MLC1: variants seen among roughly 807,000 people sequenced by gnomAD.
The protein encoded by MLC1 is membrane protein MLC1.
In MLC1, 32 loss-of-function variants were observed where a neutral mutation model predicts 44.7. That is an observed-to-expected ratio of 0.72 (90% CI 0.54 to 0.96). MLC1 has a LOEUF of 0.96. Ranked by LOEUF, MLC1 falls within the 40% of genes least tolerant of loss-of-function variation. The pLI is 0.00. For missense variants in MLC1, 459 were observed against 492.2 expected, an observed-to-expected ratio of 0.93 and a Z score of 0.64; for synonymous variants, 190 against 213.0, an observed-to-expected ratio of 0.89 and a Z score of 0.94.
At chr22:50,073,492 G>A (rs938313484) in intron 8 of MLC1, among the ~76,000 whole-genome samples, 11 of 152,072 alleles carry the variant, frequency 7.2e-5, no homozygotes, top group Non-Finnish European at 1.3e-4. Context: ...GCACTTTTGG[G>A]GGCCGAGGCA....
Position 50,084,114 on chromosome 22 carries a change from A to G in MLC1, c.177+612T>C, listed in dbSNP as rs1000947161. Among the ~76,000 whole-genome samples the G allele has an allele frequency of 6.6e-5, 10 of 152,132 alleles. No individual in the cohort carries two copies. In the South Asian group the frequency reaches 1.9e-3, roughly 28 times the overall value. On this transcript the variant is annotated intron_variant, in intron 2 of 11. Transcript: ENST00000311597. ...GCTACACGGAACCGGGGGTCCCTGC[A>G]TAGAGGCCTGTCCTGCAGCATGGCT...
chr22:50,077,865 A>G (rs557023545), intron 5 of MLC1, among the ~76,000 whole-genome samples: 1 of 152,278 alleles, frequency 6.6e-6, no homozygotes, highest in African/African-American at 2.4e-5. Flanking sequence ...CACTGAGAAC[A>G]TAAGGTTTTT....
At chr22:50,062,975 G>A (rs553713412) in intron 11 of MLC1, among the ~76,000 whole-genome samples, 1 of 152,286 alleles carries the variant, frequency 6.6e-6, no homozygotes, top group East Asian at 1.9e-4. Flanking sequence ...CAGCTTTACG[G>A]AGCCCCATGT....
intron 9 of MLC1, among the ~76,000 whole-genome samples, chr22:50,068,917 G>A (rs1326602236): frequency 1.3e-5 from 2 of 151,660 alleles, no homozygotes; most frequent in Non-Finnish European, 1.5e-5. Flanking sequence ...AGTAGAGACC[G>A]TGTTTTGCCA....
chr22:50,079,523 T>TTTC (rs2062065351), intron 5 of MLC1, among the ~76,000 whole-genome samples: 1 of 130,488 alleles, frequency 7.7e-6, no homozygotes, highest in African/African-American at 2.7e-5. Context: ...TTTTTTTTTT[T>TTTC]GAGACGGAGT....
In MLC1 at chr22:50,064,213, A is replaced by C. The variant is rs1448962356; in HGVS notation, c.895-15T>G. The C allele has an allele frequency of 5.1e-6, 8 of 1,582,152 alleles. No individual in the cohort carries two copies. The highest frequency in any genetic ancestry group is 6.8e-6 in the Non-Finnish European group (8 of 1,170,842). On this transcript the variant is annotated splice_polypyrimidine_tract_variant and intron_variant, in intron 10 of 11. Transcript: ENST00000311597. ...TCGTAGGATGGCTGCAGGCGGAAGG[A>C]GGTGTGAGCAGAGTGGCCCAGCCGC... is the stretch of plus-strand genomic sequence containing the variant.
At chr22:50,080,517 G>A in intron 3 of MLC1, 120 bp from the exon 4 acceptor site, 1 of 1,125,656 alleles carries the variant, frequency 8.9e-7, no homozygotes, top group Middle Eastern at 1.9e-4. Context: ...AGTGTTGCCA[G>A]TCCATGCAAC....
At chr22:50,069,038 CTTTT>C (rs1569244629) in intron 9 of MLC1, among the ~76,000 whole-genome samples, 1 of 149,210 alleles carries the variant, frequency 6.7e-6, no homozygotes, top group South Asian at 2.1e-4. Flanking sequence ...GCCTTTCTTT[CTTTT>C]TTGAGAGGCA....
At chr22:50,076,102 G>A (rs1408964321) in intron 7 of MLC1, among the ~76,000 whole-genome samples, 1 of 151,954 alleles carries the variant, frequency 6.6e-6, no homozygotes, top group Non-Finnish European at 1.5e-5. Context: ...CTCAAAAGAT[G>A]GTAAAAATAA....
intron 5 of MLC1, among the ~76,000 whole-genome samples, chr22:50,079,138 G>A (rs978526604): frequency 1.6e-4 from 24 of 151,978 alleles, no homozygotes; most frequent in Non-Finnish European, 3.2e-4. Flanking sequence ...ACAAAAATTA[G>A]CCGAGTGTGG....
intron 7 of MLC1, 59 bp downstream of exon 7, chr22:50,076,782 A>C: frequency 6.4e-7 from 1 of 1,571,932 alleles, no homozygotes; most frequent in Non-Finnish European, 8.8e-7. Context: ...CGTTTAATCC[A>C]GCCTCAGTCA....
chr22:50,081,025 G>GAAAGAAAGAAAGAAAGAAAGAA (rs2062117145), intron 3 of MLC1, among the ~76,000 whole-genome samples: 1 of 145,216 alleles, frequency 6.9e-6, no homozygotes, highest in East Asian at 2.0e-4. Context: ...AAGAAAGAAA[G>GAAAGAAAGAAAGAAAGAAAGAA]AAAGAAAGAA....
chr22:50,080,355 T>C lies in MLC1; in HGVS notation c.310A>G (p.Asn104Asp), dbSNP rs1185150556. The change falls in exon 4 of 12, where the codon AAC becomes GAC. Residue 104 changes from asparagine to aspartate, a missense_variant. Physicochemically the swap from Asn to Asp is conservative, Grantham distance 23. Transcript: ENST00000311597. ...AIVSFTVSRR[N>D]ANVIPNFQIL... ...CAAGCTAGACTCACCACATTGGCGT[T>C]CCTCCTGGAGACGGTGAAGCTCACA... The C allele has an allele frequency of 6.2e-7, 1 of 1,608,228 alleles. No homozygotes were observed. Among genetic ancestry groups the C allele is most frequent in the Admixed American group, 1.7e-5 (1 of 59,472 alleles).
chr22:50,084,411 C>G (rs1347805272), intron 2 of MLC1, among the ~76,000 whole-genome samples: 1 of 152,208 alleles, frequency 6.6e-6, no homozygotes, highest in Admixed American at 6.5e-5. Context: ...CCTCAGAGGA[C>G]CCTGGGCCCC....
At chr22:50,079,447 G>T (rs1383518249) in intron 5 of MLC1, among the ~76,000 whole-genome samples, 1 of 147,586 alleles carries the variant, frequency 6.8e-6, no homozygotes, top group Non-Finnish European at 1.5e-5. Context: ...CAAAGCAGGA[G>T]GCCCTCCTTG....
At chr22:50,084,071 A>G (rs536800408) in intron 2 of MLC1, among the ~76,000 whole-genome samples, 1 of 152,122 alleles carries the variant, frequency 6.6e-6, no homozygotes, top group Non-Finnish European at 1.5e-5. Flanking sequence ...CACAGCCTGG[A>G]TCTCATTCTC....
Position 50,080,023 on chromosome 22 carries a change from A to G in MLC1, c.322-4T>C, listed in dbSNP as rs753825336. On this transcript the variant is annotated splice_region_variant and splice_polypyrimidine_tract_variant and intron_variant, in intron 4 of 11. Coordinates refer to ENST00000311597, the MANE Select transcript of MLC1 (RefSeq NM_015166.4). Reference sequence around the variant, plus strand: ...ACAATATCTGAAAGTTGGGAATCTGAAAAACAAGGCAGGAGGGGTTTTCCT... The same window carrying G: ...ACAATATCTGAAAGTTGGGAATCTGGAAAACAAGGCAGGAGGGGTTTTCCT... 3.1e-6 allele frequency: 5 copies of G among 1,607,258 alleles called. No homozygotes were observed. The highest frequency in any genetic ancestry group is 4.3e-6 in the Non-Finnish European group (5 of 1,173,718).
rs564855583 is a variant in MLC1 at position 50,072,267 on chromosome 22, A to G, written c.715-1684T>C. ...CAGCCATAGGGGCTGGGGCAGCTCA[A>G]TCAAGGGCCCTGCCCTGGAAGGGTC... On this transcript the variant is annotated intron_variant, in intron 8 of 11. Transcript: ENST00000311597. Among the ~76,000 whole-genome samples, 35 of 152,304 alleles carry G rather than the reference A, an allele frequency of 2.3e-4. No individual in the cohort carries two copies. In the East Asian group the frequency reaches 6.8e-3, roughly 29 times the overall value.
At position 50,083,595 on chromosome 22, in the gene MLC1, T is replaced by C. The variant is rs2062204017; in HGVS notation, c.178-422A>G. The stretch of plus-strand genomic sequence containing the variant: ...ATCCCCCTCCGTCTGCAGAACCTAA[T>C]TTCCAGATCTGGAAGAAGATCCCTC... On this transcript the variant is annotated intron_variant, in intron 2 of 11. Coordinates refer to ENST00000311597, the MANE Select transcript of MLC1 (RefSeq NM_015166.4). This position sits in a 1 kb window ranked among gnomAD's most constrained non-coding sequence, Gnocchi z 4.6. Among the ~76,000 whole-genome samples, 1 of 152,160 alleles carries C rather than the reference T, an allele frequency of 6.6e-6. No homozygotes were observed. The highest frequency in any genetic ancestry group is 2.1e-4 in the South Asian group (1 of 4,830).
Sources: gnomAD v4.1 joint callset for allele counts (sites outside exome capture counted in the v4.1 genomes callset) on GRCh38, gnomAD v4.1.1 for gene constraint, Gnocchi (gnomAD v3.1) non-coding constraint, MANE v1.5 for transcripts, NCBI Gene and HGNC (gene_info 2026-07-23, HGNC 2026-07-21) for gene names.